Variants in ABTB2 observed in about 807,000 individuals in gnomAD.
ABTB2 encodes ankyrin repeat and BTB/POZ domain-containing protein 2.
A neutral mutation model predicts 104.1 loss-of-function variants in ABTB2; 56 were observed. The observed-to-expected ratio is 0.54, with a 90% CI of 0.43 to 0.67. The LOEUF is 0.67. ABTB2 is among the 30% of genes least tolerant of loss of function. The pLI, the probability that ABTB2 is intolerant of heterozygous loss-of-function variation, is 0.00. For synonymous variants in ABTB2, 606 were observed against 608.2 expected (o/e 1.00, Z 0.05); for missense variants, 1,279 against 1,407.7 (o/e 0.91, Z 1.46).
intron 1 of ABTB2, among the ~76,000 whole-genome samples, chr11:34,303,851 C>T (rs752464982): frequency 6.6e-6 from 1 of 151,924 alleles, no homozygotes; most frequent in Non-Finnish European, 1.5e-5. Flanking sequence ...CCATGTTGGC[C>T]AGGCTGGTCT....
At chr11:34,172,437 TA>T (rs575248183) in intron 4 of ABTB2, among the ~76,000 whole-genome samples, 2 of 92,462 alleles carry the variant, frequency 2.2e-5, no homozygotes, top group Non-Finnish European at 4.2e-5. Flanking sequence ...TGTGTGTGTA[TA>T]TAGATAGATA....
chr11:34,214,869 G>T (rs1303765367), intron 1 of ABTB2, among the ~76,000 whole-genome samples: 2 of 152,130 alleles, frequency 1.3e-5, no homozygotes, highest in African/African-American at 2.4e-5. Context: ...TACATGAAAG[G>T]AAAACCTGGT....
intron 1 of ABTB2, among the ~76,000 whole-genome samples, chr11:34,321,075 G>C (rs540937687): frequency 6.6e-6 from 1 of 152,166 alleles, no homozygotes; most frequent in Non-Finnish European, 1.5e-5. Context: ...CCAGCTACTC[G>C]GGAGGCTGAG....
At chr11:34,308,868 C>CA (rs57658114) in intron 1 of ABTB2, among the ~76,000 whole-genome samples, 1,388 of 77,600 alleles carry the variant, frequency 0.018, 34 homozygotes, top group East Asian at 0.029. Context: ...GAAACTGTCT[C>CA]AAAAAAAAAA....
chr11:34,197,707 G>A (rs1287736179), intron 2 of ABTB2, among the ~76,000 whole-genome samples, 169 bp from the exon 3 acceptor site: 1 of 152,196 alleles, frequency 6.6e-6, no homozygotes, highest in Non-Finnish European at 1.5e-5. Flanking sequence ...CTGTCACCTA[G>A]ATGCACAATA....
At chr11:34,175,356 C>G (rs1216017411) in intron 3 of ABTB2, among the ~76,000 whole-genome samples, 5 of 152,214 alleles carry the variant, frequency 3.3e-5, no homozygotes, top group Admixed American at 1.3e-4. Flanking sequence ...GAATAGCCTA[C>G]CTTAAACATG....
At position 34,160,953 on chromosome 11, in the gene ABTB2, G is replaced by C; in HGVS notation, c.2347C>G (p.Leu783Val). 1.2e-6 allele frequency: 2 copies of C among 1,613,426 alleles called. No homozygotes were observed. Among genetic ancestry groups the C allele is most frequent in the Non-Finnish European group, 1.7e-6 (2 of 1,179,668 alleles). ...SIREEEYNEE[L>V]VTEGLQLMFD... is the part of the protein sequence containing the mutation. ...ATGAGCTGCAAGCCCTCGGTCACCA[G>C]CTCCTCGTTGTACTCCTCCTCTCTG... Residue 783 changes from leucine (L) to valine (V), a missense_variant, in exon 11 of 17, where the codon CTG becomes GTG. Leu to Val is a conservative substitution (Grantham distance 32). Coordinates refer to ENST00000435224, the MANE Select transcript of ABTB2 (RefSeq NM_145804.3).
chr11:34,156,075 C>T (rs1852621707), intron 14 of ABTB2, among the ~76,000 whole-genome samples: 1 of 152,202 alleles, frequency 6.6e-6, no homozygotes, highest in Non-Finnish European at 1.5e-5. Context: ...CCCCTAGGGC[C>T]AGGCCTACCA....
rs957404267 is a variant in ABTB2 at position 34,252,908 on chromosome 11, C to T, written c.884-48218G>A. Among the ~76,000 whole-genome samples, 2 of 152,052 alleles carry T rather than the reference C, an allele frequency of 1.3e-5. No homozygotes were observed. The highest frequency in any genetic ancestry group is 2.9e-5 in the Non-Finnish European group (2 of 68,000). ...CCTGGCCTGCACATGGCTCAGGGCCCGATTCCACCCCTCCACCCCCAGGAG... is the reference window on the plus strand; with the variant it reads ...CCTGGCCTGCACATGGCTCAGGGCCTGATTCCACCCCTCCACCCCCAGGAG... On this transcript the variant is annotated intron_variant, in intron 1 of 16. Transcript: ENST00000435224. The surrounding 1 kb of genome is among the most constrained non-coding windows in gnomAD (Gnocchi z 5.5).
intron 1 of ABTB2, among the ~76,000 whole-genome samples, chr11:34,246,361 GGAGGCC>G (rs1379444748): frequency 6.6e-6 from 1 of 152,048 alleles, no homozygotes; most frequent in Non-Finnish European, 1.5e-5. Flanking sequence ...CAGCACTTTG[GGAGGCC>G]GAGGCAGGTG....
chr11:34,244,669 T>C (rs575786826), intron 1 of ABTB2, among the ~76,000 whole-genome samples: 1 of 152,324 alleles, frequency 6.6e-6, no homozygotes, highest in Admixed American at 6.5e-5. Context: ...CTGTTTGACT[T>C]TGGGCACTTT....
chr11:34,300,042 T>TG (rs1057471749), intron 1 of ABTB2, among the ~76,000 whole-genome samples: 1 of 151,758 alleles, frequency 6.6e-6, no homozygotes, highest in Non-Finnish European at 1.5e-5. Flanking sequence ...CTACGCTTGG[T>TG]GGGGGGAAGA....
At chr11:34,213,507 C>A (rs1200906151) in intron 1 of ABTB2, among the ~76,000 whole-genome samples, 1 of 152,098 alleles carries the variant, frequency 6.6e-6, no homozygotes, top group Non-Finnish European at 1.5e-5. Context: ...AACTAGACAG[C>A]CCCACAAGTG....
At chr11:34,300,674 CAT>C (rs1200424513) in intron 1 of ABTB2, among the ~76,000 whole-genome samples, 1 of 151,868 alleles carries the variant, frequency 6.6e-6, no homozygotes, top group African/African-American at 2.4e-5. Context: ...TCATACATCT[CAT>C]AGCGTTTTCA....
chr11:34,158,845 C>T (rs993258357), intron 14 of ABTB2, among the ~76,000 whole-genome samples: 3 of 152,212 alleles, frequency 2.0e-5, no homozygotes, highest in African/African-American at 7.2e-5. Context: ...AGAAGTGACG[C>T]AGCCTCCACC....
intron 3 of ABTB2, among the ~76,000 whole-genome samples, chr11:34,185,436 C>A (rs908937738): frequency 6.6e-6 from 1 of 152,222 alleles, no homozygotes; most frequent in African/African-American, 2.4e-5. Context: ...GGCTTCTGAG[C>A]AGCAAAGCCA....
At chr11:34,317,897 T>C (rs1854956985) in intron 1 of ABTB2, among the ~76,000 whole-genome samples, 1 of 152,058 alleles carries the variant, frequency 6.6e-6, no homozygotes, top group Non-Finnish European at 1.5e-5. Context: ...CATTCAAATA[T>C]TGAACACTTT....
chr11:34,345,500 C>T (rs1855319744), intron 1 of ABTB2, among the ~76,000 whole-genome samples: 1 of 152,182 alleles, frequency 6.6e-6, no homozygotes, highest in Admixed American at 6.5e-5. Flanking sequence ...AAACAGAACT[C>T]CTGGCCTCTC....
intron 16 of ABTB2, among the ~76,000 whole-genome samples, 175 bp from the exon 17 acceptor site, chr11:34,152,759 A>G (rs774395166): frequency 1.3e-5 from 2 of 152,154 alleles, no homozygotes; most frequent in Non-Finnish European, 2.9e-5. Context: ...TGAACTGTTC[A>G]GCCCCCGTCA....
Sources: gnomAD v4.1 joint callset for allele counts (sites outside exome capture counted in the v4.1 genomes callset) on GRCh38, gnomAD v4.1.1 for gene constraint, Gnocchi (gnomAD v3.1) non-coding constraint, MANE v1.5 for transcripts, NCBI Gene and HGNC (gene_info 2026-07-23, HGNC 2026-07-21) for gene names.